Variants in CAMKMT observed in about 807,000 individuals in gnomAD.
The protein encoded by CAMKMT is calmodulin-lysine N-methyltransferase, also known as CaM KMT.
Under a neutral mutation model 48.0 loss-of-function variants are expected in CAMKMT, and 53 were observed. That is an observed-to-expected ratio of 1.10 (90% CI 0.89 to 1.39). The LOEUF (loss-of-function observed/expected upper bound fraction) is 1.39. Ranked by LOEUF, CAMKMT falls within the 40% of genes most tolerant of loss-of-function variation. The pLI is 0.00. For synonymous variants in CAMKMT, 165 were observed against 152.3 expected (o/e 1.08, Z -0.61); for missense variants, 428 against 402.7 (o/e 1.06, Z -0.54).
chr2:44,666,862 C>T (rs1406899645), intron 3 of CAMKMT, among the ~76,000 whole-genome samples: 1 of 152,204 alleles, frequency 6.6e-6, no homozygotes, highest in Non-Finnish European at 1.5e-5. Context: ...CCCGCCTCGG[C>T]CTCCCAAAGT....
chr2:44,767,899 C>T (rs966869043), intron 10 of CAMKMT, among the ~76,000 whole-genome samples: 5 of 152,190 alleles, frequency 3.3e-5, no homozygotes, highest in Non-Finnish European at 7.3e-5. Flanking sequence ...CACTTTCCCC[C>T]TAGAACAACA....
intron 3 of CAMKMT, among the ~76,000 whole-genome samples, chr2:44,489,776 C>A (rs951922601): frequency 1.3e-5 from 2 of 151,858 alleles, no homozygotes; most frequent in East Asian, 1.9e-4. Context: ...ACAAGAAAAA[C>A]CTAATTTAAA....
intron 3 of CAMKMT, among the ~76,000 whole-genome samples, chr2:44,535,601 C>G (rs754393667): frequency 2.6e-5 from 4 of 152,134 alleles, no homozygotes; most frequent in African/African-American, 9.7e-5. Flanking sequence ...AATCAACAAA[C>G]GTGATTCATC....
At chr2:44,563,451 G>T (rs1358719083) in intron 3 of CAMKMT, among the ~76,000 whole-genome samples, 1 of 151,700 alleles carries the variant, frequency 6.6e-6, no homozygotes, top group Non-Finnish European at 1.5e-5. Context: ...TCAAGGGAGA[G>T]TATAGTCATT....
chr2:44,482,269 C>G (rs1669010998), intron 3 of CAMKMT, among the ~76,000 whole-genome samples: 1 of 152,026 alleles, frequency 6.6e-6, no homozygotes, highest in Non-Finnish European at 1.5e-5. Context: ...TCTGTTTAAC[C>G]TAGTGTCCAT....
intron 7 of CAMKMT, among the ~76,000 whole-genome samples, chr2:44,727,719 A>T (rs1312117380): frequency 6.6e-6 from 1 of 152,182 alleles, no homozygotes; most frequent in Non-Finnish European, 1.5e-5. Context: ...GCTTTTGCCC[A>T]TTCAGGATGA....
intron 3 of CAMKMT, among the ~76,000 whole-genome samples, chr2:44,532,320 G>A (rs955774739): frequency 6.6e-6 from 1 of 152,164 alleles, no homozygotes; most frequent in Admixed American, 6.5e-5. Flanking sequence ...ACCTGGGTGT[G>A]TGAATTCAAA....
chr2:44,687,903 A>T (rs1456260325), intron 3 of CAMKMT, among the ~76,000 whole-genome samples: 3 of 152,218 alleles, frequency 2.0e-5, no homozygotes, highest in Admixed American at 1.3e-4. Flanking sequence ...CTTACACAAA[A>T]CAAAAGAGCA....
chr2:44,455,568 T>C (rs752799758), intron 3 of CAMKMT, among the ~76,000 whole-genome samples: 1 of 152,214 alleles, frequency 6.6e-6, no homozygotes, highest in Non-Finnish European at 1.5e-5. Context: ...TAAACTAGTG[T>C]CTTGAGAGTC....
chr2:44,505,973 C>G (rs1670241485), intron 3 of CAMKMT, among the ~76,000 whole-genome samples: 1 of 151,910 alleles, frequency 6.6e-6, no homozygotes, highest in South Asian at 2.1e-4. Context: ...GTTCAAGCAT[C>G]CTCCCAGCTC....
intron 3 of CAMKMT, among the ~76,000 whole-genome samples, chr2:44,668,094 TC>T (rs1675105981): frequency 6.6e-6 from 1 of 152,228 alleles, no homozygotes; most frequent in African/African-American, 2.4e-5. Context: ...ATTTGAGAAA[TC>T]CTGCTACATT....
At chr2:44,721,125 C>G (rs543056315) in intron 7 of CAMKMT, among the ~76,000 whole-genome samples, 2 of 152,210 alleles carry the variant, frequency 1.3e-5, no homozygotes, top group East Asian at 3.9e-4. Flanking sequence ...TTCTAATTCT[C>G]ATACCTCCTT....
At chr2:44,608,148 C>G (rs1212326272) in intron 3 of CAMKMT, among the ~76,000 whole-genome samples, 1 of 148,404 alleles carries the variant, frequency 6.7e-6, no homozygotes, top group Non-Finnish European at 1.5e-5. Context: ...TCTCGGCTCA[C>G]TGCAAGCTCC....
intron 3 of CAMKMT, among the ~76,000 whole-genome samples, chr2:44,688,794 C>T (rs1290326644): frequency 6.6e-6 from 1 of 152,144 alleles, no homozygotes; most frequent in Non-Finnish European, 1.5e-5. Flanking sequence ...TATGCTGGGA[C>T]GTGCACCTAA....
chr2:44,760,207 T>A (rs1250468330), intron 9 of CAMKMT, among the ~76,000 whole-genome samples: 1 of 152,024 alleles, frequency 6.6e-6, no homozygotes, highest in African/African-American at 2.4e-5. Flanking sequence ...CTGAGGAAGG[T>A]TTCCCTAGAG....
intron 3 of CAMKMT, among the ~76,000 whole-genome samples, chr2:44,422,951 A>G (rs1347593062): frequency 6.6e-6 from 1 of 152,160 alleles, no homozygotes; most frequent in Admixed American, 6.5e-5. Context: ...TCAACGTGGT[A>G]TGGTATACCA....
chr2:44,430,368 G>C (rs780316810), intron 3 of CAMKMT, among the ~76,000 whole-genome samples: 1 of 151,916 alleles, frequency 6.6e-6, no homozygotes, highest in Non-Finnish European at 1.5e-5. Context: ...GTTTATTTTA[G>C]TAGGCAATTT....
intron 1 of CAMKMT, among the ~76,000 whole-genome samples, chr2:44,371,964 C>T (rs1195034437): frequency 6.6e-6 from 1 of 152,168 alleles, no homozygotes; most frequent in Non-Finnish European, 1.5e-5. Context: ...CTTTTAGCAA[C>T]ACCAGCAAAA....
At chr2:44,432,197 G>C (rs1204199163) in intron 3 of CAMKMT, among the ~76,000 whole-genome samples, 2 of 152,182 alleles carry the variant, frequency 1.3e-5, no homozygotes, top group Non-Finnish European at 2.9e-5. Context: ...TAATGTCATA[G>C]ACAAAAGGGA....
Sources: allele counts gnomAD v4.1 joint callset (sites outside exome capture counted in the v4.1 genomes callset), GRCh38; gene constraint gnomAD v4.1.1; transcripts MANE v1.5; gene names NCBI Gene and HGNC (gene_info 2026-07-23, HGNC 2026-07-21).